Variants in BASP1 observed in about 807,000 individuals in gnomAD.
BASP1 encodes the protein brain abundant membrane attached signal protein 1.
Under a neutral mutation model 2.2 loss-of-function variants are expected in BASP1, and 1 was observed. The ratio of observed to expected loss-of-function variants is 0.46; its 90% CI spans 0.16 to 2.17. The LOEUF is 2.17. Ranked by LOEUF, BASP1 falls within the 30% of genes most tolerant of loss-of-function variation. BASP1 has a pLI of 0.27. For missense variants in BASP1, 352 were observed against 327.2 expected, an observed-to-expected ratio of 1.08 and a Z score of -0.58; for synonymous variants, 187 against 154.2, an observed-to-expected ratio of 1.21 and a Z score of -1.58.
In BASP1 at chr5:17,249,171, CA is replaced by C. The variant is rs149130158; in HGVS notation, c.-9-26036del. Among the ~76,000 whole-genome samples the C allele has an allele frequency of 8.3e-4, 127 of 152,196 alleles. 1 individual carries two copies. The highest frequency in any genetic ancestry group is 3.0e-3 in the African/African-American group (124 of 41,528). ...CTCAGACCCCCTTATTCTGTGCCTG[CA>C]GAGCCCAACGCAGGAACCGTCCCTG... is the stretch of plus-strand genomic sequence containing the variant. On this transcript the variant is annotated intron_variant, in intron 1 of 1. Coordinates refer to ENST00000322611, the MANE Select transcript of BASP1 (RefSeq NM_006317.5).
chr5:17,233,507 T>A (rs1211289233), intron 1 of BASP1, among the ~76,000 whole-genome samples: 3 of 152,124 alleles, frequency 2.0e-5, no homozygotes, highest in Non-Finnish European at 4.4e-5. Flanking sequence ...TTAAATCAGG[T>A]AGTAGAATGG....
chr5:17,224,697 G>T (rs1739460072), intron 1 of BASP1, among the ~76,000 whole-genome samples: 1 of 152,192 alleles, frequency 6.6e-6, no homozygotes, highest in South Asian at 2.1e-4. Flanking sequence ...CTAGTATGAT[G>T]ATTGTGGTTG....
chr5:17,237,006 C>T (rs980887975), intron 1 of BASP1, among the ~76,000 whole-genome samples: 11 of 152,004 alleles, frequency 7.2e-5, no homozygotes, highest in African/African-American at 2.4e-4. Flanking sequence ...ACCAGCCCAC[C>T]GGGTAGTAAA....
chr5:17,227,618 G>T (rs1254711862), intron 1 of BASP1, among the ~76,000 whole-genome samples: 1 of 151,824 alleles, frequency 6.6e-6, no homozygotes, highest in Admixed American at 6.6e-5. Context: ...TGGCCAGGCT[G>T]GTCACAAACT....
chr5:17,242,784 G>A (rs1382174427), intron 1 of BASP1, among the ~76,000 whole-genome samples: 1 of 151,232 alleles, frequency 6.6e-6, no homozygotes, highest in African/African-American at 2.4e-5. Flanking sequence ...GTACATCCTT[G>A]CTCTGCGTGC....
intron 1 of BASP1, 42 bp downstream of exon 1, chr5:17,217,852 G>T (rs1311056969): frequency 4.6e-5 from 7 of 151,848 alleles, no homozygotes; most frequent in African/African-American, 1.7e-4. Flanking sequence ...CCGCGGACCC[G>T]GGGGCCTCCG....
At chr5:17,222,320 C>T (rs1739407514) in intron 1 of BASP1, among the ~76,000 whole-genome samples, 1 of 152,176 alleles carries the variant, frequency 6.6e-6, no homozygotes, top group African/African-American at 2.4e-5. Context: ...TCTGCTTATA[C>T]TTATACTTAT....
chr5:17,235,427 A>T (rs1460319473), intron 1 of BASP1, among the ~76,000 whole-genome samples: 1 of 151,248 alleles, frequency 6.6e-6, no homozygotes, highest in Non-Finnish European at 1.5e-5. Flanking sequence ...GGCCGGGCTA[A>T]TTTTTTTTGT....
intron 1 of BASP1, among the ~76,000 whole-genome samples, chr5:17,257,963 G>A (rs1189090658): frequency 6.6e-6 from 1 of 152,150 alleles, no homozygotes; most frequent in African/African-American, 2.4e-5. Flanking sequence ...CCAGGGCCTG[G>A]TGTTATCATC....
At chr5:17,239,611 C>T (rs1739821187) in intron 1 of BASP1, among the ~76,000 whole-genome samples, 1 of 152,122 alleles carries the variant, frequency 6.6e-6, no homozygotes, top group Non-Finnish European at 1.5e-5. Flanking sequence ...CCTAGGCTGT[C>T]AATCTTGTAA....
intron 1 of BASP1, among the ~76,000 whole-genome samples, chr5:17,265,894 AC>A (rs1338342447): frequency 1.3e-5 from 2 of 152,204 alleles, no homozygotes; most frequent in South Asian, 2.1e-4. Flanking sequence ...AGCAGGGCTG[AC>A]CCATGCGTTT....
At chr5:17,267,502 G>A (rs1200024137) in intron 1 of BASP1, among the ~76,000 whole-genome samples, 5 of 150,602 alleles carry the variant, frequency 3.3e-5, no homozygotes, top group Admixed American at 1.3e-4. Context: ...TACAATTTTT[G>A]TTTGTATTTT....
At chr5:17,228,109 A>G (rs1175776296) in intron 1 of BASP1, among the ~76,000 whole-genome samples, 2 of 152,246 alleles carry the variant, frequency 1.3e-5, no homozygotes, top group East Asian at 3.8e-4. Context: ...TGACTGATGG[A>G]AAGTCTCATT....
intron 1 of BASP1, among the ~76,000 whole-genome samples, chr5:17,250,011 C>T (rs537838294): frequency 6.6e-6 from 1 of 152,214 alleles, no homozygotes; most frequent in South Asian, 2.1e-4. Flanking sequence ...GGTGTGATCT[C>T]AGCTCACTGT....
intron 1 of BASP1, among the ~76,000 whole-genome samples, chr5:17,244,367 G>A (rs1182261147): frequency 6.6e-6 from 1 of 152,136 alleles, no homozygotes; most frequent in African/African-American, 2.4e-5. Context: ...ACATAATAGT[G>A]TTTTCCAGTA....
In BASP1 at chr5:17,236,029, CT is replaced by C. The variant is rs896694475; in HGVS notation, c.-10+18229del. On this transcript the variant is annotated intron_variant, in intron 1 of 1. Coordinates refer to ENST00000322611, the MANE Select transcript of BASP1 (RefSeq NM_006317.5). This position sits in a 1 kb window ranked among gnomAD's most constrained non-coding sequence, Gnocchi z 4.0. ...TTGCAAACTTTCTTAAAACATGAGA[CT>C]TTTTTTTTTCTTTTTTAGCTCATTA... 3.8e-4 allele frequency among the ~76,000 whole-genome samples: 57 copies of C among 149,972 alleles called. No individual in the cohort carries two copies. Among genetic ancestry groups the C allele is most frequent in the Non-Finnish European group, 7.0e-4 (47 of 67,260 alleles).
chr5:17,271,091 G>T (rs1211695160), intron 1 of BASP1, among the ~76,000 whole-genome samples: 3 of 152,092 alleles, frequency 2.0e-5, no homozygotes, highest in Non-Finnish European at 4.4e-5. Context: ...CGCCCTTGTG[G>T]CATCGAGTTT....
At chr5:17,218,810 A>G (rs1739326753) in intron 1 of BASP1, among the ~76,000 whole-genome samples, 1 of 150,602 alleles carries the variant, frequency 6.6e-6, no homozygotes, top group South Asian at 2.1e-4. Context: ...CGCACGCACA[A>G]TGCGCGGCTG....
chr5:17,258,398 C>A (rs1375632678), intron 1 of BASP1, among the ~76,000 whole-genome samples: 1 of 152,188 alleles, frequency 6.6e-6, no homozygotes, highest in Non-Finnish European at 1.5e-5. Context: ...CATGCAGCCC[C>A]TGCACTACTT....
Sources: allele counts gnomAD v4.1 joint callset (sites outside exome capture counted in the v4.1 genomes callset), GRCh38; gene constraint gnomAD v4.1.1; non-coding constraint Gnocchi (gnomAD v3.1); transcripts MANE v1.5; gene names NCBI Gene and HGNC (gene_info 2026-07-23, HGNC 2026-07-21).